ULK4: variants seen among roughly 807,000 people sequenced by gnomAD.
ULK4 encodes inactive serine/threonine-protein kinase ULK4.
Under a neutral mutation model 160.6 loss-of-function variants are expected in ULK4, and 133 were observed. The ratio of observed to expected loss-of-function variants is 0.83; its 90% CI spans 0.72 to 0.96. ULK4 has a LOEUF of 0.96. Among genes scored for constraint, ULK4 ranks in the 40% least tolerant of loss-of-function variants. ULK4 has a pLI of 0.00. For synonymous variants in ULK4, 534 were observed against 539.8 expected (o/e 0.99, Z 0.15); for missense variants, 1,580 against 1,499.5 (o/e 1.05, Z -0.89).
In ULK4 at chr3:41,773,133, T is replaced by C. The variant is rs1176602300; in HGVS notation, c.2193+16528A>G. Among the ~76,000 whole-genome samples, 8 of 152,272 alleles carry C rather than the reference T, an allele frequency of 5.3e-5. No homozygotes were observed. The East Asian group carries it at 1.5e-3, about 29-fold the overall frequency. On this transcript the variant is annotated intron_variant, in intron 21 of 36. Coordinates refer to ENST00000301831, the MANE Select transcript of ULK4 (RefSeq NM_017886.4). ...AATATCATACTGAATGGAAAAAAACTGGAAACATTCCCTTTGAAAACTGGC... is the reference window on the plus strand; with the variant it reads ...AATATCATACTGAATGGAAAAAAACCGGAAACATTCCCTTTGAAAACTGGC...
At chr3:41,379,517 CA>C (rs2081599636) in intron 35 of ULK4, among the ~76,000 whole-genome samples, 1 of 152,156 alleles carries the variant, frequency 6.6e-6, no homozygotes, top group Non-Finnish European at 1.5e-5. Context: ...AAACGTTAAA[CA>C]AGCCTCAATA....
chr3:41,452,091 T>G (rs1443796327), intron 34 of ULK4, among the ~76,000 whole-genome samples: 1 of 152,212 alleles, frequency 6.6e-6, no homozygotes, highest in African/African-American at 2.4e-5. Context: ...GGGAATCTTC[T>G]GATTTTGATC....
At chr3:41,507,037 G>A (rs946413344) in intron 32 of ULK4, among the ~76,000 whole-genome samples, 33 of 149,114 alleles carry the variant, frequency 2.2e-4, no homozygotes, top group African/African-American at 7.9e-4. Context: ...CTATAAAGCA[G>A]TTCATGTACA....
chr3:41,475,295 A>G (rs2084105919), intron 32 of ULK4, among the ~76,000 whole-genome samples: 1 of 152,218 alleles, frequency 6.6e-6, no homozygotes, highest in Admixed American at 6.5e-5. Context: ...AATAAAATAC[A>G]AAGAAGCAGA....
At chr3:41,592,306 G>T (rs958199557) in intron 31 of ULK4, among the ~76,000 whole-genome samples, 1 of 152,122 alleles carries the variant, frequency 6.6e-6, no homozygotes, top group Admixed American at 6.5e-5. Flanking sequence ...AGGAAGCAGC[G>T]GGAAAAGCCC....
Position 41,794,184 on chromosome 3 carries a change from C to T in ULK4, c.2011-4341G>A, listed in dbSNP as rs114578027. ...GAGAAACAGGTCAGAAAATCACTGA[C>T]AGGCAGGAAATACAGACAGTTACAA... On this transcript the variant is annotated intron_variant, in intron 20 of 36. Transcript: ENST00000301831. Among the ~76,000 whole-genome samples the T allele has an allele frequency of 5.4e-3, 826 of 152,318 alleles. 7 individuals carry two copies. The highest frequency in any genetic ancestry group is 0.019 in the African/African-American group (793 of 41,576).
intron 8 of ULK4, among the ~76,000 whole-genome samples, chr3:41,913,870 G>A (rs1458679715): frequency 6.6e-6 from 1 of 152,146 alleles, no homozygotes; most frequent in East Asian, 1.9e-4. Flanking sequence ...GGCTGAGGTG[G>A]AAGAATCTCT....
intron 16 of ULK4, among the ~76,000 whole-genome samples, chr3:41,891,912 C>CA (rs1409484350): frequency 7.6e-4 from 115 of 150,702 alleles, no homozygotes; most frequent in African/African-American, 1.8e-3. Context: ...CTCAAACAAA[C>CA]AAAAAAAAAC....
At chr3:41,392,093 T>C (rs548975807) in intron 35 of ULK4, among the ~76,000 whole-genome samples, 1 of 152,216 alleles carries the variant, frequency 6.6e-6, no homozygotes, top group East Asian at 1.9e-4. Flanking sequence ...AAAAGACAAG[T>C]AGCTAATCTA....
At chr3:41,581,399 T>C (rs977691791) in intron 31 of ULK4, among the ~76,000 whole-genome samples, 4 of 152,188 alleles carry the variant, frequency 2.6e-5, no homozygotes, top group African/African-American at 9.7e-5. Flanking sequence ...GAGGTTTTAA[T>C]GAGAACTTGT....
intron 35 of ULK4, among the ~76,000 whole-genome samples, chr3:41,390,672 C>T (rs568077028): frequency 2.1e-4 from 32 of 151,516 alleles, no homozygotes; most frequent in South Asian, 4.2e-4. Flanking sequence ...TGTAGTTGAG[C>T]GGTTTTGAGT....
At chr3:41,446,216 T>A (rs1344068154) in intron 34 of ULK4, among the ~76,000 whole-genome samples, 4 of 152,020 alleles carry the variant, frequency 2.6e-5, no homozygotes, top group Non-Finnish European at 5.9e-5. Context: ...CATTAAAAAG[T>A]CAGGAAACAA....
intron 27 of ULK4, among the ~76,000 whole-genome samples, chr3:41,690,544 T>C (rs1559487579): frequency 6.6e-6 from 1 of 151,842 alleles, no homozygotes; most frequent in South Asian, 2.1e-4. Context: ...GCCTAACTTT[T>C]TGGCTTCTAG....
In ULK4 at chr3:41,355,642, T is replaced by C. The variant is rs558467808; in HGVS notation, c.3678+42437A>G. Among the ~76,000 whole-genome samples the C allele has an allele frequency of 2.1e-4, 32 of 152,340 alleles. No individual in the cohort carries two copies. In the South Asian group the frequency reaches 6.4e-3, roughly 31 times the overall value. On this transcript the variant is annotated intron_variant, in intron 35 of 36. Coordinates refer to ENST00000301831, the MANE Select transcript of ULK4 (RefSeq NM_017886.4). ...CAAATTAGAAGATATATTCTTATAC[T>C]GCATCACAGGATCTAATCATCCTAG...
At chr3:41,338,442 C>A (rs1290014430) in intron 35 of ULK4, among the ~76,000 whole-genome samples, 1 of 152,208 alleles carries the variant, frequency 6.6e-6, no homozygotes, top group Non-Finnish European at 1.5e-5. Flanking sequence ...GGTTCCTCAG[C>A]CAGCCTTACC....
At chr3:41,953,263 T>TACAC (rs1226458301) in intron 2 of ULK4, among the ~76,000 whole-genome samples, 1 of 104,358 alleles carries the variant, frequency 9.6e-6, no homozygotes, top group African/African-American at 3.1e-5. Flanking sequence ...TACATATATA[T>TACAC]ACACATATAT....
chr3:41,717,011 G>A (rs1381126704), intron 23 of ULK4, among the ~76,000 whole-genome samples: 2 of 152,066 alleles, frequency 1.3e-5, no homozygotes, highest in Non-Finnish European at 2.9e-5. Flanking sequence ...TATGGCAGTA[G>A]AAAATGGAAA....
intron 22 of ULK4, among the ~76,000 whole-genome samples, chr3:41,743,232 A>T (rs2038301072): frequency 6.6e-6 from 1 of 151,900 alleles, no homozygotes; most frequent in African/African-American, 2.4e-5. Flanking sequence ...GAGAAATAAC[A>T]CATTACTTAT....
chr3:41,572,207 T>C (rs1341223568), intron 31 of ULK4, among the ~76,000 whole-genome samples: 1 of 152,174 alleles, frequency 6.6e-6, no homozygotes, highest in Non-Finnish European at 1.5e-5. Flanking sequence ...CATGAAGCAT[T>C]GCCTAGTGAT....
Sources: allele counts gnomAD v4.1 joint callset (sites outside exome capture counted in the v4.1 genomes callset), GRCh38; gene constraint gnomAD v4.1.1; transcripts MANE v1.5; gene names NCBI Gene and HGNC (gene_info 2026-07-23, HGNC 2026-07-21).